Variants in GRIA4 observed in about 807,000 individuals in gnomAD.
GRIA4 encodes the protein glutamate receptor 4.
A neutral mutation model predicts 104.0 loss-of-function variants in GRIA4; 34 were observed. The ratio of observed to expected loss-of-function variants is 0.33; its 90% CI spans 0.25 to 0.44. The LOEUF is 0.44. Among genes scored for constraint, GRIA4 ranks in the 20% least tolerant of loss-of-function variants. The probability of loss-of-function intolerance (pLI) is 1.00; values close to 1 mark genes in which losing one functional copy is unlikely to be tolerated. For synonymous variants in GRIA4, 386 were observed against 381.9 expected, an observed-to-expected ratio of 1.01 and a Z score of -0.13; for missense variants, 750 against 1,096.5, an observed-to-expected ratio of 0.68 and a Z score of 4.46.
chr11:105,802,813 A>G (rs1942779634), intron 4 of GRIA4, among the ~76,000 whole-genome samples: 1 of 151,894 alleles, frequency 6.6e-6, no homozygotes, highest in Admixed American at 6.6e-5. Context: ...TTTATTTCAA[A>G]ACATATTGTT....
chr11:105,682,094 G>T (rs1240206364), intron 3 of GRIA4, among the ~76,000 whole-genome samples: 1 of 151,930 alleles, frequency 6.6e-6, no homozygotes, highest in Non-Finnish European at 1.5e-5. Flanking sequence ...TTCTTGTTTG[G>T]CTACTAGAAA....
intron 4 of GRIA4, among the ~76,000 whole-genome samples, chr11:105,808,878 T>C (rs1445611031): frequency 6.6e-6 from 1 of 152,164 alleles, no homozygotes; most frequent in Non-Finnish European, 1.5e-5. Flanking sequence ...GTGTAGAATT[T>C]AATGAATTCC....
intron 9 of GRIA4, among the ~76,000 whole-genome samples, chr11:105,909,248 A>G (rs1418133725): frequency 6.6e-6 from 1 of 152,186 alleles, no homozygotes; most frequent in African/African-American, 2.4e-5. Context: ...AAATACTAAC[A>G]TGGCAGTTGA....
chr11:105,690,287 T>C (rs1565466600), intron 3 of GRIA4, among the ~76,000 whole-genome samples: 1 of 152,226 alleles, frequency 6.6e-6, no homozygotes, highest in Non-Finnish European at 1.5e-5. Context: ...TTATGTTTAA[T>C]AATTTCCATT....
At chr11:105,625,276 C>T (rs373379542) in intron 3 of GRIA4, among the ~76,000 whole-genome samples, 1 of 152,046 alleles carries the variant, frequency 6.6e-6, no homozygotes, top group African/African-American at 2.4e-5. Flanking sequence ...GTTCTGTACT[C>T]ATATGTTTGC....
At chr11:105,624,542 G>C (rs1389171768) in intron 3 of GRIA4, among the ~76,000 whole-genome samples, 1 of 152,046 alleles carries the variant, frequency 6.6e-6, no homozygotes, top group African/African-American at 2.4e-5. Flanking sequence ...TAAATCTCAT[G>C]AGCAATTTGT....
intron 5 of GRIA4, among the ~76,000 whole-genome samples, chr11:105,875,046 G>A (rs1357390413): frequency 1.3e-5 from 2 of 152,118 alleles, no homozygotes; most frequent in Non-Finnish European, 2.9e-5. Flanking sequence ...TATCGCCTGT[G>A]CGTTTGTCAT....
intron 14 of GRIA4, among the ~76,000 whole-genome samples, chr11:105,967,310 CAG>C (rs1196129632): frequency 1.3e-5 from 2 of 152,008 alleles, no homozygotes; most frequent in Non-Finnish European, 2.9e-5. Context: ...GCAAGCATAA[CAG>C]AAACATATAT....
chr11:105,714,871 C>G (rs35731525), intron 3 of GRIA4, among the ~76,000 whole-genome samples: 3,392 of 151,720 alleles, frequency 0.022, 55 homozygotes, highest in Non-Finnish European at 0.032. Context: ...TGAGAGACTT[C>G]GATTAGTAAA....
intron 3 of GRIA4, among the ~76,000 whole-genome samples, chr11:105,663,433 C>A (rs1364478835): frequency 6.6e-6 from 1 of 151,848 alleles, no homozygotes; most frequent in East Asian, 1.9e-4. Context: ...AGTCATTACT[C>A]TCAAGGAACT....
At chr11:105,826,664 C>T (rs1356951077) in intron 4 of GRIA4, among the ~76,000 whole-genome samples, 2 of 151,956 alleles carry the variant, frequency 1.3e-5, no homozygotes, top group South Asian at 2.1e-4. Context: ...GATTTGGTTT[C>T]GGAAGTCACA....
chr11:105,684,560 T>C (rs373640859), intron 3 of GRIA4, among the ~76,000 whole-genome samples: 36 of 137,896 alleles, frequency 2.6e-4, no homozygotes, highest in African/African-American at 6.4e-4. Flanking sequence ...TATATATATA[T>C]ACACACCTTT....
chr11:105,677,499 A>G (rs1952576397), intron 3 of GRIA4, among the ~76,000 whole-genome samples: 1 of 151,946 alleles, frequency 6.6e-6, no homozygotes, highest in Non-Finnish European at 1.5e-5. Flanking sequence ...AATTTTTTTC[A>G]GAAGGAATCT....
chr11:105,635,021 A>G (rs1419694211), intron 3 of GRIA4, among the ~76,000 whole-genome samples: 1 of 152,212 alleles, frequency 6.6e-6, no homozygotes, highest in Non-Finnish European at 1.5e-5. Context: ...ATAGTACTTC[A>G]CAGTGTTTCC....
At chr11:105,921,434 A>G (rs1386663299) in intron 11 of GRIA4, among the ~76,000 whole-genome samples, 4 of 151,832 alleles carry the variant, frequency 2.6e-5, no homozygotes, top group African/African-American at 4.8e-5. Flanking sequence ...TACACACTCA[A>G]TTTTGGGAAT....
intron 5 of GRIA4, among the ~76,000 whole-genome samples, chr11:105,870,338 C>T (rs761557927): frequency 5.9e-5 from 9 of 151,312 alleles, no homozygotes; most frequent in Non-Finnish European, 1.0e-4. Flanking sequence ...TGTCTCTGCC[C>T]ACCACATTCT....
chr11:105,748,156 C>T (rs1047958923), intron 3 of GRIA4, among the ~76,000 whole-genome samples: 4 of 152,136 alleles, frequency 2.6e-5, no homozygotes, highest in South Asian at 2.1e-4. Context: ...GCATTGGCTG[C>T]GACAGTTTAA....
intron 6 of GRIA4, among the ~76,000 whole-genome samples, chr11:105,890,708 G>A (rs1438449001): frequency 6.6e-6 from 1 of 152,152 alleles, no homozygotes; most frequent in Admixed American, 6.6e-5. Context: ...GGTCCAAGAG[G>A]AGCCACAGGG....
At chr11:105,809,607 T>C (rs1252059439) in intron 4 of GRIA4, among the ~76,000 whole-genome samples, 2 of 152,090 alleles carry the variant, frequency 1.3e-5, no homozygotes, top group Non-Finnish European at 2.9e-5. Context: ...TCTCACAATA[T>C]CTGATGGTTT....
Sources: allele counts gnomAD v4.1 joint callset (sites outside exome capture counted in the v4.1 genomes callset), GRCh38; gene constraint gnomAD v4.1.1; transcripts MANE v1.5; gene names NCBI Gene and HGNC (gene_info 2026-07-23, HGNC 2026-07-21).